Variants in GALNTL6 observed in about 807,000 individuals in gnomAD.
GALNTL6 encodes polypeptide N-acetylgalactosaminyltransferase like 6.
GALNTL6 carries 46 observed loss-of-function variants against 73.7 expected under a neutral mutation model. That is an observed-to-expected ratio of 0.62 (90% CI 0.49 to 0.80). The LOEUF is 0.80. Among genes scored for constraint, GALNTL6 ranks in the 30% least tolerant of loss-of-function variants. The pLI is 0.00. For synonymous variants in GALNTL6, 259 were observed against 263.7 expected, an observed-to-expected ratio of 0.98 and a Z score of 0.17; for missense variants, 604 against 755.0, an observed-to-expected ratio of 0.80 and a Z score of 2.34.
At chr4:172,910,737 G>A (rs1747152918) in intron 8 of GALNTL6, among the ~76,000 whole-genome samples, 1 of 152,184 alleles carries the variant, frequency 6.6e-6, no homozygotes, top group African/African-American at 2.4e-5. Flanking sequence ...GGAAATCCCT[G>A]AGCAAAGAGA....
At chr4:172,842,752 ATT>A (rs551333924) in intron 7 of GALNTL6, among the ~76,000 whole-genome samples, 1 of 144,820 alleles carries the variant, frequency 6.9e-6, no homozygotes, top group Admixed American at 7.0e-5. Context: ...CTCATATGTC[ATT>A]TTTTTTTTTT....
At chr4:173,022,308 T>C (rs1289863291) in intron 12 of GALNTL6, among the ~76,000 whole-genome samples, 2 of 152,080 alleles carry the variant, frequency 1.3e-5, no homozygotes, top group Non-Finnish European at 2.9e-5. Context: ...AAGGGAAAAA[T>C]CGTGTGTGTA....
chr4:172,497,798 C>T (rs1321550104), intron 5 of GALNTL6, among the ~76,000 whole-genome samples: 1 of 152,092 alleles, frequency 6.6e-6, no homozygotes, highest in Non-Finnish European at 1.5e-5. Flanking sequence ...AGGGTGATTA[C>T]CATGTTCTAA....
chr4:172,206,032 C>T (rs974415622), intron 2 of GALNTL6, among the ~76,000 whole-genome samples: 2 of 151,842 alleles, frequency 1.3e-5, no homozygotes, highest in African/African-American at 2.4e-5. Flanking sequence ...GTACATATGC[C>T]ATGTATTTCA....
chr4:172,325,289 G>A (rs1334091432), intron 4 of GALNTL6, among the ~76,000 whole-genome samples: 1 of 151,804 alleles, frequency 6.6e-6, no homozygotes, highest in Non-Finnish European at 1.5e-5. Flanking sequence ...AAATGAAGCA[G>A]AAAATTCAAA....
At chr4:171,966,346 T>TTCTGTAAGAA (rs1316497060) in intron 2 of GALNTL6, among the ~76,000 whole-genome samples, 4 of 152,282 alleles carry the variant, frequency 2.6e-5, no homozygotes. Context: ...TAAGAAAGGT[T>TTCTGTAAGAA]TTTCTGTAAG....
chr4:172,722,669 C>CGTA (rs1181098267), intron 5 of GALNTL6, among the ~76,000 whole-genome samples: 1 of 151,992 alleles, frequency 6.6e-6, no homozygotes, highest in African/African-American at 2.4e-5. Flanking sequence ...TGTACCATAC[C>CGTA]ATAAGTGAAC....
At chr4:172,189,685 GA>G (rs745694065) in intron 2 of GALNTL6, among the ~76,000 whole-genome samples, 3 of 152,090 alleles carry the variant, frequency 2.0e-5, no homozygotes, top group Admixed American at 6.5e-5. Flanking sequence ...TTAAAATTGA[GA>G]AGGGAATTAA....
intron 2 of GALNTL6, among the ~76,000 whole-genome samples, chr4:172,041,961 G>T (rs928234117): frequency 6.6e-6 from 1 of 152,050 alleles, no homozygotes; most frequent in African/African-American, 2.4e-5. Flanking sequence ...CTCAACTCCA[G>T]TTAAGAAATA....
At chr4:172,259,395 A>G (rs1738181368) in intron 3 of GALNTL6, among the ~76,000 whole-genome samples, 1 of 149,090 alleles carries the variant, frequency 6.7e-6, no homozygotes, top group Non-Finnish European at 1.5e-5. Flanking sequence ...GGCCATTCGT[A>G]TATCTTCTTT....
intron 3 of GALNTL6, among the ~76,000 whole-genome samples, chr4:172,296,411 G>T (rs28777990): frequency 6.6e-6 from 1 of 151,982 alleles, no homozygotes; most frequent in East Asian, 1.9e-4. Flanking sequence ...TGTGCACAAC[G>T]TGCAGGTCAG....
At chr4:172,577,707 G>C (rs963010887) in intron 5 of GALNTL6, among the ~76,000 whole-genome samples, 2 of 152,104 alleles carry the variant, frequency 1.3e-5, no homozygotes, top group African/African-American at 2.4e-5. Flanking sequence ...GGTAAGCACT[G>C]CTGCTTTCTC....
chr4:172,628,832 G>T (rs1739272370), intron 5 of GALNTL6, among the ~76,000 whole-genome samples: 1 of 151,964 alleles, frequency 6.6e-6, no homozygotes. Context: ...ATTTTCCTAA[G>T]AAGAAAATGT....
chr4:171,993,229 T>C (rs1270123498), intron 2 of GALNTL6, among the ~76,000 whole-genome samples: 1 of 152,034 alleles, frequency 6.6e-6, no homozygotes, highest in Non-Finnish European at 1.5e-5. Flanking sequence ...GTTCATATGT[T>C]GTCACATGTG....
At chr4:173,004,574 C>G (rs144976119) in intron 10 of GALNTL6, among the ~76,000 whole-genome samples, 1 of 152,012 alleles carries the variant, frequency 6.6e-6, no homozygotes, top group Non-Finnish European at 1.5e-5. Context: ...TGCAGTGAGC[C>G]GAGATTGAGC....
intron 8 of GALNTL6, among the ~76,000 whole-genome samples, chr4:172,894,730 G>C (rs1379550885): frequency 1.3e-5 from 2 of 152,076 alleles, no homozygotes; most frequent in East Asian, 3.9e-4. Flanking sequence ...ATGTCTCTTT[G>C]ATAATTTTCT....
At chr4:172,174,232 T>C (rs1333459807) in intron 2 of GALNTL6, among the ~76,000 whole-genome samples, 1 of 152,134 alleles carries the variant, frequency 6.6e-6, no homozygotes, top group Non-Finnish European at 1.5e-5. Flanking sequence ...GGATTTAGAA[T>C]AATCAGAAGG....
chr4:173,038,497 T>C (rs1055260669), intron 12 of GALNTL6, among the ~76,000 whole-genome samples: 2 of 152,078 alleles, frequency 1.3e-5, no homozygotes, highest in African/African-American at 4.8e-5. Context: ...ACGGGTGGAA[T>C]TAATGAAGCA....
At chr4:172,197,408 C>T (rs1735809597) in intron 2 of GALNTL6, among the ~76,000 whole-genome samples, 1 of 152,098 alleles carries the variant, frequency 6.6e-6, no homozygotes, top group African/African-American at 2.4e-5. Context: ...ATTAAACTAC[C>T]ATTGACATTC....
Sources: gnomAD v4.1 joint callset for allele counts (sites outside exome capture counted in the v4.1 genomes callset) on GRCh38, gnomAD v4.1.1 for gene constraint, MANE v1.5 for transcripts, NCBI Gene and HGNC (gene_info 2026-07-23, HGNC 2026-07-21) for gene names.